GABBR2: variants seen among roughly 807,000 people sequenced by gnomAD.
The protein encoded by GABBR2 is G-protein coupled receptor 51.
A neutral mutation model predicts 105.6 loss-of-function variants in GABBR2; 23 were observed. The ratio of observed to expected loss-of-function variants is 0.22; its 90% CI spans 0.16 to 0.31. The LOEUF (loss-of-function observed/expected upper bound fraction) is 0.31, where lower values mean the gene tolerates loss of function less well. GABBR2 is among the 10% of genes least tolerant of loss of function. The probability of loss-of-function intolerance (pLI) is 1.00; values close to 1 mark genes in which losing one functional copy is unlikely to be tolerated. For missense variants in GABBR2, 734 were observed against 1,245.5 expected (o/e 0.59, Z 6.18); for synonymous variants, 478 against 499.7 (o/e 0.96, Z 0.58).
At chr9:98,674,767 C>G (rs1428857440) in intron 1 of GABBR2, among the ~76,000 whole-genome samples, 1 of 152,154 alleles carries the variant, frequency 6.6e-6, no homozygotes, top group Admixed American at 6.5e-5. Flanking sequence ...AGTACTCCTG[C>G]TATGAACAGG....
chr9:98,437,731 TATCCATCC>T (rs1333389928), intron 7 of GABBR2, among the ~76,000 whole-genome samples: 1 of 149,790 alleles, frequency 6.7e-6, no homozygotes, highest in Non-Finnish European at 1.5e-5. Flanking sequence ...TCCACCCATA[TATCCATCC>T]ATCCATCCAT....
rs145170177 is a variant in GABBR2 at position 98,475,022 on chromosome 9, G to A, written c.799-1676C>T. Among the ~76,000 whole-genome samples the A allele has an allele frequency of 3.0e-3, 456 of 152,162 alleles. 5 individuals are homozygous for A. Among genetic ancestry groups the A allele is most frequent in the African/African-American group, 0.01 (422 of 41,502 alleles). Reference sequence around the variant, plus strand: ...TGGTCTCCATCCATTGGTTCGGCAAGGTATCTGAAGATTAAATAGACATTG... The same window carrying A: ...TGGTCTCCATCCATTGGTTCGGCAAAGTATCTGAAGATTAAATAGACATTG... On this transcript the variant is annotated intron_variant, in intron 5 of 18. Transcript: ENST00000259455.
chr9:98,570,330 A>G (rs954705627), intron 2 of GABBR2, among the ~76,000 whole-genome samples: 28 of 152,236 alleles, frequency 1.8e-4, no homozygotes, highest in Admixed American at 1.6e-3. Flanking sequence ...GCTGCCTTTT[A>G]AAGGACAAGC....
intron 3 of GABBR2, among the ~76,000 whole-genome samples, chr9:98,530,008 G>C (rs539132805): frequency 1.4e-4 from 22 of 152,254 alleles, no homozygotes; most frequent in African/African-American, 5.3e-4. Context: ...TGCTCATGCG[G>C]CTCTGGCACT....
intron 3 of GABBR2, among the ~76,000 whole-genome samples, chr9:98,508,758 A>G (rs1193776266): frequency 1.7e-5 from 2 of 120,374 alleles, no homozygotes; most frequent in East Asian, 7.6e-4. Context: ...GATTAGGTAA[A>G]CAAAGCGGCA....
chr9:98,597,612 T>C (rs992515500), intron 1 of GABBR2, among the ~76,000 whole-genome samples: 1 of 151,934 alleles, frequency 6.6e-6, no homozygotes, highest in Non-Finnish European at 1.5e-5. Flanking sequence ...TCATGAATCT[T>C]GGTGGTTGGA....
intron 13 of GABBR2, among the ~76,000 whole-genome samples, chr9:98,311,846 T>C (rs561608681): frequency 1.3e-4 from 20 of 152,350 alleles, no homozygotes; most frequent in Non-Finnish European, 2.6e-4. Context: ...CAAAGTGCTC[T>C]GCCTAATGAG....
At chr9:98,674,196 C>T (rs914666) in intron 1 of GABBR2, among the ~76,000 whole-genome samples, 140,818 of 152,208 alleles carry the variant, frequency 0.93, 65,292 homozygotes, top group Middle Eastern at 0.97. Flanking sequence ...GATAGAGTAG[C>T]TAAATGACAT....
chr9:98,597,782 A>G (rs1829259557), intron 1 of GABBR2, among the ~76,000 whole-genome samples: 1 of 152,196 alleles, frequency 6.6e-6, no homozygotes, highest in Non-Finnish European at 1.5e-5. Context: ...AGAGCAGGGA[A>G]GAGAGTATTC....
At chr9:98,514,956 G>A (rs1186535720) in intron 3 of GABBR2, among the ~76,000 whole-genome samples, 4 of 152,134 alleles carry the variant, frequency 2.6e-5, no homozygotes, top group African/African-American at 9.7e-5. Flanking sequence ...CCAAACCCAG[G>A]GGACTGGCGT....
chr9:98,353,998 A>G (rs769227016), intron 13 of GABBR2, among the ~76,000 whole-genome samples: 3 of 152,250 alleles, frequency 2.0e-5, no homozygotes, highest in Non-Finnish European at 2.9e-5. Flanking sequence ...CCAGCAATGC[A>G]GAACTGTGAG....
At chr9:98,302,355 G>A (rs7849650) in intron 16 of GABBR2, among the ~76,000 whole-genome samples, 11,786 of 152,134 alleles carry the variant, frequency 0.077, 1,558 homozygotes, top group African/African-American at 0.27. Flanking sequence ...CAGCTCTCCC[G>A]CTATGAATGA....
intron 4 of GABBR2, among the ~76,000 whole-genome samples, chr9:98,491,785 T>C (rs958192785): frequency 1.3e-5 from 2 of 152,242 alleles, no homozygotes; most frequent in Non-Finnish European, 2.9e-5. Context: ...TTTTGCATTA[T>C]GTATAAAATT....
intron 1 of GABBR2, among the ~76,000 whole-genome samples, chr9:98,598,624 G>A (rs1327768844): frequency 3.7e-5 from 4 of 106,670 alleles, no homozygotes; most frequent in East Asian, 3.1e-4. Flanking sequence ...GTGTCTGTAC[G>A]ACAGATCTAA....
intron 11 of GABBR2, among the ~76,000 whole-genome samples, chr9:98,383,547 C>T (rs1406366296): frequency 6.6e-6 from 1 of 152,140 alleles, no homozygotes; most frequent in Non-Finnish European, 1.5e-5. Flanking sequence ...GCAGGTCCCT[C>T]CAGGAGAGGA....
chr9:98,563,448 G>A (rs1295386266), intron 2 of GABBR2, among the ~76,000 whole-genome samples: 3 of 152,182 alleles, frequency 2.0e-5, no homozygotes, highest in African/African-American at 7.2e-5. Flanking sequence ...CCCTGGAAAC[G>A]CTTCCCAAAC....
In GABBR2 at chr9:98,451,201, G is replaced by T. The variant is rs555287507; in HGVS notation, c.1236+2780C>A. The stretch of plus-strand genomic sequence containing the variant: ...CAGGGGCTGCAGGGGTGGGGAGAGG[G>T]CTGCAGGAAGAGGGGGCTGAACAGG... On this transcript the variant is annotated intron_variant, in intron 7 of 18. Transcript: ENST00000259455. 3.9e-5 allele frequency among the ~76,000 whole-genome samples: 6 copies of T among 152,280 alleles called. No homozygotes were observed. In the South Asian group the frequency reaches 1.2e-3, roughly 32 times the overall value.
At chr9:98,292,209 G>A (rs1051906712) in intron 18 of GABBR2, among the ~76,000 whole-genome samples, 1 of 152,244 alleles carries the variant, frequency 6.6e-6, no homozygotes, top group Non-Finnish European at 1.5e-5. Flanking sequence ...GGCCACTCAC[G>A]TGCAAAAAAG....
At chr9:98,565,052 G>C (rs555712993) in intron 2 of GABBR2, among the ~76,000 whole-genome samples, 1 of 152,288 alleles carries the variant, frequency 6.6e-6, no homozygotes, top group East Asian at 1.9e-4. Context: ...CAGGTTCTAT[G>C]CCTTAGCATG....
Sources: allele counts gnomAD v4.1 joint callset (sites outside exome capture counted in the v4.1 genomes callset), GRCh38; gene constraint gnomAD v4.1.1; transcripts MANE v1.5; gene names NCBI Gene and HGNC (gene_info 2026-07-23, HGNC 2026-07-21).